Variants in CSRP1 observed in about 807,000 individuals in gnomAD.
CSRP1 encodes the protein cysteine and glycine rich protein 1.
Under a neutral mutation model 25.4 loss-of-function variants are expected in CSRP1, and 16 were observed. The ratio of observed to expected loss-of-function variants is 0.63; its 90% confidence interval spans 0.43 to 0.96. The LOEUF (loss-of-function observed/expected upper bound fraction) is 0.96. Among genes scored for constraint, CSRP1 ranks in the 40% least tolerant of loss-of-function variants. The probability of loss-of-function intolerance (pLI) is 0.00; values close to 1 mark genes in which losing one functional copy is unlikely to be tolerated. For synonymous variants in CSRP1, 97 were observed against 95.3 expected, an observed-to-expected ratio of 1.02 and a Z score of -0.10; for missense variants, 212 against 243.6, an observed-to-expected ratio of 0.87 and a Z score of 0.86.
At chr1:201,501,901 G>A (rs529111148) in intron 1 of CSRP1, among the ~76,000 whole-genome samples, 84 of 152,174 alleles carry the variant, frequency 5.5e-4, no homozygotes, top group African/African-American at 1.9e-3. Context: ...GCTGAGGCAT[G>A]AGAATTGCTT....
chr1:201,504,502 C>T (rs1664760248), intron 1 of CSRP1, among the ~76,000 whole-genome samples: 1 of 152,230 alleles, frequency 6.6e-6, no homozygotes, highest in Admixed American at 6.5e-5. Flanking sequence ...TCACTAGCAC[C>T]TCTTTGGATC....
At chr1:201,497,666 G>A (rs1324745642) in intron 1 of CSRP1, among the ~76,000 whole-genome samples, 1 of 152,152 alleles carries the variant, frequency 6.6e-6, no homozygotes, top group Non-Finnish European at 1.5e-5. Flanking sequence ...TTAGCTGTGT[G>A]ACCTTGGGCA....
intron 2 of CSRP1, chr1:201,492,371 A>G (rs190628427): frequency 7.5e-4 from 115 of 152,356 alleles, no homozygotes; most frequent in Non-Finnish European, 1.0e-3. Flanking sequence ...CAGAGGCCCA[A>G]TCCTGCCCAT....
At chr1:201,506,652 T>G (rs1664835149) in intron 1 of CSRP1, 1 of 152,140 alleles carries the variant, frequency 6.6e-6, no homozygotes, top group Non-Finnish European at 1.5e-5. Context: ...ATGTCCAAGG[T>G]CAGGCCCAGA....
intron 2 of CSRP1, among the ~76,000 whole-genome samples, chr1:201,495,261 A>G (rs981503991): frequency 6.6e-6 from 1 of 152,216 alleles, no homozygotes; most frequent in Non-Finnish European, 1.5e-5. Context: ...TTGGCAGAGC[A>G]TGGTGGCATG....
At position 201,496,202 on chromosome 1, in the gene CSRP1, G is replaced by C; in HGVS notation, c.102C>G (p.Cys34Trp). The stretch of plus-strand genomic sequence containing the variant: ...CTGGGGCGTACTCACTGCACAGGAA[G>C]CAGGATTTATGGAAGCTGTTGCCTT... ...QCEGNSFHKS[C>W]FLCMVCKKNL... Residue 34 changes from cysteine (C) to tryptophan (W), a missense_variant, in exon 2 of 6, where the codon TGC (cysteine) becomes TGG (tryptophan). Coordinates refer to ENST00000340006, the MANE Select transcript of CSRP1 (RefSeq NM_004078.3). The C allele has an allele frequency of 6.2e-7, 1 of 1,613,960 alleles. No homozygotes were observed. The highest frequency in any genetic ancestry group is 8.5e-7 in the Non-Finnish European group (1 of 1,179,832).
chr1:201,494,095 G>C (rs668565), intron 2 of CSRP1, among the ~76,000 whole-genome samples: 16,505 of 151,510 alleles, frequency 0.11, 1,650 homozygotes, highest in African/African-American at 0.26. Flanking sequence ...CCCGCACCCC[G>C]CCAAGAGCCC....
rs1282162424 is a variant in CSRP1, at chr1:201,488,960, G to C, written c.306C>G (p.Thr102=). The change falls in exon 4 of 6, where the codon ACC becomes ACG. Residue 102 remains threonine (T), a synonymous_variant. Coordinates refer to ENST00000340006, the MANE Select transcript of CSRP1 (RefSeq NM_004078.3). ...GGGCAAATTTGGATGCATTGGGGTT[G>C]GTGGTGGGCCTGTGGCCAGGGGCTC... ...HEEAPGHRPT[T]NPNASKFAQK... 3 of 1,613,982 alleles carry C rather than the reference G, an allele frequency of 1.9e-6. No individual in the cohort carries two copies. The African/African-American group carries it at 4.0e-5, about 22-fold the overall frequency.
rs1394157451 is a variant in CSRP1 at position 201,495,944 on chromosome 1, G to C, written c.112+248C>G. ...AAGTTTTCTTAACCAAGTCTTTACA[G>C]CTTGGCTTTCAGCCCCTGAACGCCT... On this transcript the variant is annotated intron_variant, in intron 2 of 5. Transcript: ENST00000340006. The C allele has an allele frequency of 4.3e-5, 19 of 441,674 alleles. No individual in the cohort carries two copies. The South Asian group carries it at 9.7e-4, about 22-fold the overall frequency. The allele number at this position is 441,674 out of a possible 1,614,324, so 27.4% of individuals were successfully genotyped here. A position where few individuals can be genotyped will look rare whatever the true frequency, so the allele number is the denominator to read the frequency against.
chr1:201,491,199 G>C (rs1292066517), intron 2 of CSRP1: 1 of 152,220 alleles, frequency 6.6e-6, no homozygotes, highest in Non-Finnish European at 1.5e-5. Flanking sequence ...GGGAAGCCAA[G>C]GCTGGAGGAT....
At chr1:201,494,730 GACC>G (rs1385552089) in intron 2 of CSRP1, among the ~76,000 whole-genome samples, 1 of 152,160 alleles carries the variant, frequency 6.6e-6, no homozygotes, top group Non-Finnish European at 1.5e-5. Context: ...GAACAGACAG[GACC>G]CCATTCTTGG....
chr1:201,484,453 G>A lies in CSRP1; in HGVS notation c.*260C>T, dbSNP rs1272450460. The A allele has an allele frequency of 9.1e-6, 5 of 547,668 alleles. No homozygotes were observed. Among genetic ancestry groups the A allele is most frequent in the South Asian group, 5.1e-5 (2 of 38,918 alleles). The allele number at this position is 547,668 out of a possible 1,614,324, so 33.9% of individuals were successfully genotyped here. On this transcript the variant is annotated 3_prime_UTR_variant, in exon 6 of 6. Coordinates refer to ENST00000340006, the MANE Select transcript of CSRP1 (RefSeq NM_004078.3). Reference sequence around the variant, plus strand: ...TCTGTGGGGCGAGGTGTGGGGAGAGGGGCCTGCTCTCACCTAGACCCAAAA... The same window carrying A: ...TCTGTGGGGCGAGGTGTGGGGAGAGAGGCCTGCTCTCACCTAGACCCAAAA...
intron 3 of CSRP1, 166 bp downstream of exon 3, chr1:201,490,010 C>G (rs1664278982): frequency 3.1e-6 from 2 of 638,528 alleles, no homozygotes; most frequent in South Asian, 4.9e-5. Flanking sequence ...TCCCCAGCTC[C>G]TGCAGCAGCC....
At chr1:201,503,706 A>G (rs1395457877) in intron 1 of CSRP1, among the ~76,000 whole-genome samples, 3 of 152,220 alleles carry the variant, frequency 2.0e-5, no homozygotes, top group East Asian at 1.9e-4. Context: ...TGCGTAGTAC[A>G]GGCACGTCAT....
At chr1:201,493,056 A>G (rs1184715346) in intron 2 of CSRP1, among the ~76,000 whole-genome samples, 1 of 152,168 alleles carries the variant, frequency 6.6e-6, no homozygotes, top group African/African-American at 2.4e-5. Flanking sequence ...CCCAGCAGGG[A>G]GCTGGGTACA....
chr1:201,486,016 T>C (rs908163939), intron 4 of CSRP1: 1 of 152,284 alleles, frequency 6.6e-6, no homozygotes, highest in Admixed American at 6.5e-5. Context: ...TCAGTTAGTG[T>C]TCACAGCTAC....
At chr1:201,486,520 G>C (rs943214422) in intron 4 of CSRP1, 2 of 985,608 alleles carry the variant, frequency 2.0e-6, no homozygotes, top group Non-Finnish European at 1.2e-6. Flanking sequence ...GCTGAAATGG[G>C]GGGACCTGGG....
chr1:201,488,868 A>T lies in CSRP1; in HGVS notation c.398T>A (p.Ile133Asn). 6.2e-7 allele frequency: 1 copy of T among 1,613,894 alleles called. No homozygotes were observed. Among genetic ancestry groups the T allele is most frequent in the Non-Finnish European group, 8.5e-7 (1 of 1,179,860 alleles). Residue 133 changes from isoleucine (I) to asparagine (N), a missense_variant, in exon 4 of 6, where the codon ATT (isoleucine) becomes AAT (asparagine). Coordinates refer to ENST00000340006, the MANE Select transcript of CSRP1 (RefSeq NM_004078.3). Reference sequence around the variant, plus strand: ...CAGCCACCTTACCTTCCCAGCACCAATCACCTTCTCCGCAGCATAGACTGC... The same window carrying T: ...CAGCCACCTTACCTTCCCAGCACCATTCACCTTCTCCGCAGCATAGACTGC... The part of the protein sequence containing the change: ...SQAVYAAEKV[I>N]GAGKSWHKAC...
At position 201,490,241 on chromosome 1, in the gene CSRP1, G is replaced by T. The variant is rs781433654; in HGVS notation, c.216C>A (p.Gly72=). Residue 72 remains glycine (G), a synonymous_variant, in exon 3 of 6, where the codon GGC becomes GGA. Coordinates refer to ENST00000340006, the MANE Select transcript of CSRP1 (RefSeq NM_004078.3). ...YGKKYGPKGY[G]YGQGAGTLST... The stretch of plus-strand genomic sequence containing the variant: ...TGAGGGTGCCTGCGCCCTGCCCGTA[G>T]CCATAGCCTTTGGGCCCATACTTCT... 3 of 1,614,170 alleles carry T rather than the reference G, an allele frequency of 1.9e-6. No individual in the cohort carries two copies. The South Asian group carries it at 3.3e-5, about 18-fold the overall frequency.
Sources: allele counts gnomAD v4.1 joint callset (sites outside exome capture counted in the v4.1 genomes callset), GRCh38; gene constraint gnomAD v4.1.1; transcripts MANE v1.5; gene names NCBI Gene and HGNC (gene_info 2026-07-23, HGNC 2026-07-21).